Variants in TBC1D5 observed in about 807,000 individuals in gnomAD.
TBC1D5 encodes the protein TBC1 domain family, member 5.
A neutral mutation model predicts 100.3 loss-of-function variants in TBC1D5; 75 were observed. That is an observed-to-expected ratio of 0.75 (90% CI 0.62 to 0.91). TBC1D5 has a LOEUF of 0.91. Among genes scored for constraint, TBC1D5 ranks in the 40% least tolerant of loss-of-function variants. The pLI, the probability that TBC1D5 is intolerant of heterozygous loss-of-function variation, is 0.00. For missense variants in TBC1D5, 910 were observed against 942.4 expected (o/e 0.97, Z 0.45); for synonymous variants, 323 against 325.6 (o/e 0.99, Z 0.09).
chr3:17,543,783 A>C (rs369109462), intron 2 of TBC1D5, among the ~76,000 whole-genome samples: 1 of 152,164 alleles, frequency 6.6e-6, no homozygotes, highest in Non-Finnish European at 1.5e-5. Flanking sequence ...AATCACCTGG[A>C]GTTCTTACAA....
intron 1 of TBC1D5, among the ~76,000 whole-genome samples, chr3:17,705,173 C>T (rs1250340100): frequency 5.2e-4 from 45 of 86,506 alleles, no homozygotes; most frequent in Non-Finnish European, 1.1e-3. Flanking sequence ...CCCTCCCGGA[C>T]GGCACGGCTG....
At chr3:17,387,584 T>C (rs1208222160) in intron 8 of TBC1D5, among the ~76,000 whole-genome samples, 1 of 151,914 alleles carries the variant, frequency 6.6e-6, no homozygotes, top group East Asian at 1.9e-4. Flanking sequence ...CTAGGAATAG[T>C]AATAATCTGT....
At chr3:17,238,554 G>A in intron 16 of TBC1D5, 135 bp from the exon 17 acceptor site, 1 of 1,029,956 alleles carries the variant, frequency 9.7e-7, no homozygotes, top group Non-Finnish European at 1.3e-6. Context: ...AAAGTGAGAA[G>A]TGAAAAATTT....
chr3:17,621,423 T>C (rs1453913255), intron 2 of TBC1D5, among the ~76,000 whole-genome samples: 4 of 152,196 alleles, frequency 2.6e-5, no homozygotes, highest in Non-Finnish European at 4.4e-5. Context: ...CTTCCAAAGC[T>C]GGGGCAAAAC....
At chr3:17,685,950 A>T (rs2070212750) in intron 1 of TBC1D5, among the ~76,000 whole-genome samples, 1 of 152,132 alleles carries the variant, frequency 6.6e-6, no homozygotes, top group African/African-American at 2.4e-5. Context: ...TTACAATTCT[A>T]AAAATAATGG....
chr3:17,571,062 A>G (rs2096624195), intron 2 of TBC1D5, among the ~76,000 whole-genome samples: 1 of 152,046 alleles, frequency 6.6e-6, no homozygotes, highest in Non-Finnish European at 1.5e-5. Flanking sequence ...GAGAAATACA[A>G]AAGCATTAAA....
intron 2 of TBC1D5, among the ~76,000 whole-genome samples, chr3:17,511,554 A>C (rs1283723446): frequency 6.6e-6 from 1 of 152,016 alleles, no homozygotes; most frequent in African/African-American, 2.4e-5. Context: ...TTAAACCCTC[A>C]TCTTTATGTT....
exon 22 of TBC1D5, chr3:17,158,701 C>A (rs2065794449): frequency 6.6e-6 from 1 of 152,226 alleles, no homozygotes; most frequent in Admixed American, 6.5e-5. Flanking sequence ...CTATTAAACA[C>A]CCAGCCAACT....
chr3:17,401,288 T>C (rs1438860781), intron 8 of TBC1D5, among the ~76,000 whole-genome samples: 1 of 141,066 alleles, frequency 7.1e-6, no homozygotes, highest in Non-Finnish European at 1.5e-5. Flanking sequence ...TACACATATA[T>C]ATGTATGTGT....
intron 19 of TBC1D5, among the ~76,000 whole-genome samples, chr3:17,181,540 C>T (rs1218219739): frequency 6.6e-6 from 1 of 152,166 alleles, no homozygotes; most frequent in Non-Finnish European, 1.5e-5. Context: ...CATAAGCAGG[C>T]TGAGTTAAGG....
chr3:17,611,225 T>C lies in TBC1D5; in HGVS notation c.-36+12624A>G, dbSNP rs559468655. Among the ~76,000 whole-genome samples the C allele has an allele frequency of 7.9e-5, 12 of 152,296 alleles. No individual in the cohort carries two copies. In the East Asian group the frequency reaches 2.3e-3, roughly 29 times the overall value. On this transcript the variant is annotated intron_variant, in intron 2 of 21. Transcript: ENST00000253692. The stretch of plus-strand genomic sequence containing the variant: ...ATTAGAACTTATATTGTAAAGTGAC[T>C]TTGACATCTCAAAGTGAAAATGGAT...
intron 1 of TBC1D5, among the ~76,000 whole-genome samples, chr3:17,692,124 G>A (rs912175924): frequency 5.3e-5 from 8 of 151,894 alleles, no homozygotes; most frequent in Admixed American, 1.3e-4. Context: ...ATGAGGCCTC[G>A]TTCTGTCACG....
intron 16 of TBC1D5, among the ~76,000 whole-genome samples, chr3:17,255,861 A>G (rs2077604497): frequency 6.6e-6 from 1 of 151,918 alleles, no homozygotes; most frequent in Admixed American, 6.6e-5. Context: ...ACACGGTGAA[A>G]CCCCGTCTAC....
intron 18 of TBC1D5, among the ~76,000 whole-genome samples, chr3:17,196,465 C>T (rs1178617407): frequency 1.3e-5 from 2 of 152,146 alleles, no homozygotes; most frequent in African/African-American, 4.8e-5. Context: ...AACAGCTATG[C>T]ATTCCTGAGG....
intron 15 of TBC1D5, among the ~76,000 whole-genome samples, chr3:17,287,595 A>G (rs1045670208): frequency 3.3e-5 from 5 of 152,218 alleles, no homozygotes; most frequent in Non-Finnish European, 5.9e-5. Flanking sequence ...AGGAAAGATA[A>G]CCTGCTCTGC....
chr3:17,729,327 G>C (rs550406217), intron 1 of TBC1D5, among the ~76,000 whole-genome samples: 1 of 146,062 alleles, frequency 6.8e-6, no homozygotes, highest in African/African-American at 2.5e-5. Context: ...CAGTGCATAA[G>C]GATTTGTGAA....
At chr3:17,443,777 A>C (rs1454548913) in intron 3 of TBC1D5, among the ~76,000 whole-genome samples, 1 of 152,202 alleles carries the variant, frequency 6.6e-6, no homozygotes, top group African/African-American at 2.4e-5. Flanking sequence ...AATTTTAAAA[A>C]TTCATAGATG....
At chr3:17,167,282 T>C (rs761818612) in intron 20 of TBC1D5, among the ~76,000 whole-genome samples, 27 of 152,344 alleles carry the variant, frequency 1.8e-4, no homozygotes, top group African/African-American at 6.0e-4. Flanking sequence ...AGCTGGACTG[T>C]TCACAGCATA....
intron 13 of TBC1D5, among the ~76,000 whole-genome samples, chr3:17,332,829 G>A (rs1358222639): frequency 6.6e-6 from 1 of 152,142 alleles, no homozygotes; most frequent in Admixed American, 6.5e-5. Flanking sequence ...GTGGAGTGGG[G>A]CAAGGTGCTG....
Sources: allele counts gnomAD v4.1 joint callset (sites outside exome capture counted in the v4.1 genomes callset), GRCh38; gene constraint gnomAD v4.1.1; transcripts MANE v1.5; gene names NCBI Gene and HGNC (gene_info 2026-07-23, HGNC 2026-07-21).